SMARCA4: variants seen among roughly 807,000 people sequenced by gnomAD.
The protein encoded by SMARCA4 is SWI/SNF related BAF chromatin remodeling complex subunit ATPase 4.
SMARCA4 carries 31 observed loss-of-function variants against 193.9 expected under a neutral mutation model. The observed-to-expected ratio is 0.16, with a 90% confidence interval of 0.12 to 0.22. The LOEUF is 0.22. SMARCA4 is among the 10% of genes least tolerant of loss of function. SMARCA4 has a pLI of 1.00. For synonymous variants in SMARCA4, 942 were observed against 933.1 expected, an observed-to-expected ratio of 1.01 and a Z score of -0.17; for missense variants, 1,148 against 2,296.0, an observed-to-expected ratio of 0.50 and a Z score of 10.22.
intron 21 of SMARCA4, 41 bp from the exon 22 acceptor site, chr19:11,025,381 A>G (rs372763565): frequency 6.6e-6 from 9 of 1,356,186 alleles, no homozygotes; most frequent in Non-Finnish European, 1.1e-6. Flanking sequence ...CCACCCCAGG[A>G]GGGCAAGACC....
At chr19:11,001,117 A>T (rs1332674339) in intron 11 of SMARCA4, among the ~76,000 whole-genome samples, 1 of 152,032 alleles carries the variant, frequency 6.6e-6, no homozygotes, top group Non-Finnish European at 1.5e-5. Context: ...TCCAGTGATG[A>T]GGTCATGGCT....
chr19:11,006,924 A>C (rs2088268583), intron 13 of SMARCA4, among the ~76,000 whole-genome samples: 1 of 151,916 alleles, frequency 6.6e-6, no homozygotes, highest in Non-Finnish European at 1.5e-5. Flanking sequence ...GTCTCTACCA[A>C]AAATGCAAAA....
intron 13 of SMARCA4, among the ~76,000 whole-genome samples, chr19:11,006,551 G>A (rs1160313705): frequency 1.3e-5 from 2 of 152,084 alleles, no homozygotes; most frequent in Admixed American, 6.6e-5. Flanking sequence ...AGGAGTTCGA[G>A]ACCAGCCTGG....
intron 30 of SMARCA4, among the ~76,000 whole-genome samples, chr19:11,046,886 C>T (rs73500686): frequency 0.012 from 1,712 of 148,672 alleles, 34 homozygotes; most frequent in African/African-American, 0.039. Flanking sequence ...AAGTCAAGGC[C>T]GCAGTGGGGT....
chr19:11,047,987 G>C (rs538223828), intron 30 of SMARCA4, among the ~76,000 whole-genome samples: 1 of 152,208 alleles, frequency 6.6e-6, no homozygotes, highest in East Asian at 1.9e-4. Context: ...GCCCATCATT[G>C]TCTAGAAGTT....
rs1428986153 is a variant in SMARCA4 at position 11,019,042 on chromosome 19, G to A, written c.2505+19G>A. 1 of 1,604,814 alleles carries A rather than the reference G, an allele frequency of 6.2e-7. No individual in the cohort carries two copies. Among genetic ancestry groups the A allele is most frequent in the South Asian group, 1.1e-5 (1 of 90,916 alleles). ...TTACAAGGTAGGTCACAGCCACTGA[G>A]GTTTCCTCTCTTGCTACGGAGGTGC... On this transcript the variant is annotated intron_variant, in intron 17 of 34. Transcript: ENST00000344626. This position sits in a 1 kb window ranked among gnomAD's most constrained non-coding sequence, Gnocchi z 6.1.
rs1555778702 is a variant in SMARCA4 at position 11,021,763 on chromosome 19, C to T, written c.2655C>T (p.Arg885=). 1 of 1,613,572 alleles carries T rather than the reference C, an allele frequency of 6.2e-7. No individual in the cohort carries two copies. The highest frequency in any genetic ancestry group is 1.1e-5 in the South Asian group (1 of 91,076). Residue 885 remains arginine (R), a synonymous_variant, in exon 19 of 35, where the codon CGC becomes CGT. Transcript: ENST00000344626. ...ACATGATTGTGGACGAAGGTCACCG[C>T]ATGAAGAACCACCACTGCAAGCTGA... is the stretch of plus-strand genomic sequence containing the variant. ...WKYMIVDEGH[R]MKNHHCKLTQ...
rs1243242977 is a variant in SMARCA4, at chr19:11,019,862, C to T, written c.2616+161C>T. On this transcript the variant is annotated intron_variant, in intron 18 of 34. Transcript: ENST00000344626. This position sits in a 1 kb window ranked among gnomAD's most constrained non-coding sequence, Gnocchi z 6.1. The stretch of plus-strand genomic sequence containing the variant: ...TGTAGGGGAAAGGCCTAGGTGGGGG[C>T]GACCTCAGGTTTACCTCCCTAACTG... Among the ~76,000 whole-genome samples the T allele has an allele frequency of 6.6e-6, 1 of 152,182 alleles. No individual in the cohort carries two copies. Among genetic ancestry groups the T allele is most frequent in the Admixed American group, 6.5e-5 (1 of 15,288 alleles).
Position 11,060,844 on chromosome 19 carries a change from AAGC to A in SMARCA4, c.4911+662_4911+664del, listed in dbSNP as rs537424487. The stretch of plus-strand genomic sequence containing the variant: ...AGCGAATGCCATTTTGTCATCACAG[AAGC>A]AGCAAATTTCAGTGCCTGGGAATTA... On this transcript the variant is annotated intron_variant, in intron 34 of 34. Transcript: ENST00000344626. Among the ~76,000 whole-genome samples, 10 of 152,286 alleles carry A rather than the reference AAGC, an allele frequency of 6.6e-5. No individual in the cohort carries two copies. The South Asian group carries it at 2.1e-3, about 32-fold the overall frequency.
chr19:10,986,051 G>C lies in SMARCA4; in HGVS notation c.356-138G>C, dbSNP rs1219632452. The C allele has an allele frequency of 3.9e-6, 3 of 768,086 alleles. No individual in the cohort carries two copies. Among genetic ancestry groups the C allele is most frequent in the Non-Finnish European group, 6.7e-6 (3 of 446,776 alleles). 47.6% of individuals were successfully genotyped at this position (768,086 alleles called of 1,614,324 possible). Reference sequence around the variant, plus strand: ...GGTGCCTTCAGCATGTGCCCTCCAGGTGCCCCTGGTTGACTCAAGAGAAGG... The same window carrying C: ...GGTGCCTTCAGCATGTGCCCTCCAGCTGCCCCTGGTTGACTCAAGAGAAGG... On this transcript the variant is annotated intron_variant, in intron 3 of 34. Transcript: ENST00000344626. This position sits in a 1 kb window ranked among gnomAD's most constrained non-coding sequence, Gnocchi z 6.7.
At chr19:11,026,171 G>A (rs145000191) in intron 22 of SMARCA4, 129 bp from the exon 23 acceptor site, 9 of 777,948 alleles carry the variant, frequency 1.2e-5, no homozygotes, top group African/African-American at 5.1e-5. Flanking sequence ...TCTCAGAGCC[G>A]CCGTGGGCCC....
chr19:10,962,267 A>G (rs1312001760), intron 1 of SMARCA4, among the ~76,000 whole-genome samples: 1 of 152,198 alleles, frequency 6.6e-6, no homozygotes, highest in Non-Finnish European at 1.5e-5. Flanking sequence ...AGCGGGAAGC[A>G]CTATTGTAAT....
At chr19:10,989,540 C>T (rs2086367650) in intron 7 of SMARCA4, 97 bp downstream of exon 7, 7 of 1,408,412 alleles carry the variant, frequency 5.0e-6, no homozygotes, top group Non-Finnish European at 7.0e-6. Flanking sequence ...AGTATTACAC[C>T]TGCCTGGGCT....
rs2090027056 is a variant in SMARCA4, at chr19:11,023,571, G to A, written c.2913G>A (p.Val971=). 1.2e-6 allele frequency: 2 copies of A among 1,613,498 alleles called. No homozygotes were observed. Among genetic ancestry groups the A allele is most frequent in the East Asian group, 2.2e-5 (1 of 44,888 alleles). Residue 971 remains valine (V), a synonymous_variant, in exon 20 of 35, where the codon GTG becomes GTA. Coordinates refer to ENST00000344626, the MANE Select transcript of SMARCA4 (RefSeq NM_003072.5). ...TCATCATCCGGCGTCTCCACAAAGT[G>A]CTGCGGCCCTTCTTGCTCCGACGAC... is the stretch of plus-strand genomic sequence containing the variant. The part of the protein sequence containing the change: ...TILIIRRLHK[V]LRPFLLRRLK...
intron 25 of SMARCA4, chr19:11,032,962 T>C (rs1488905803): frequency 2.3e-6 from 1 of 430,256 alleles, no homozygotes; most frequent in Non-Finnish European, 4.4e-6. Flanking sequence ...AGGTCCACGC[T>C]GTGGGGAGCT....
chr19:11,045,945 T>C (rs1156420394), intron 30 of SMARCA4, among the ~76,000 whole-genome samples: 1 of 151,782 alleles, frequency 6.6e-6, no homozygotes, highest in Non-Finnish European at 1.5e-5. Context: ...AAAAAAAGTC[T>C]GGGTGTGGTG....
intron 29 of SMARCA4, among the ~76,000 whole-genome samples, chr19:11,038,272 A>G (rs78157521): frequency 0.048 from 7,373 of 152,126 alleles, 245 homozygotes; most frequent in South Asian, 0.11. Context: ...CTTCATGGGG[A>G]CTTCTCCTCT....
Position 11,062,098 on chromosome 19 carries a change from T to C in SMARCA4, c.*282T>C, listed in dbSNP as rs2076927283. The C allele has an allele frequency of 1.9e-6, 1 of 527,756 alleles. No individual in the cohort carries two copies. The highest frequency in any genetic ancestry group is 2.1e-5 in the South Asian group (1 of 48,210). The allele number at this position is 527,756 out of a possible 1,614,324, so 32.7% of individuals were successfully genotyped here. ...GATACCTGTTTTTCTTTTCCGTTGC[T>C]GGCAGTACTGTTGCGCCGCAGTTTG... is the stretch of plus-strand genomic sequence containing the variant. On this transcript the variant is annotated 3_prime_UTR_variant, in exon 35 of 35. Transcript: ENST00000344626.
chr19:11,026,260 G>C (rs2146513550), intron 22 of SMARCA4, 40 bp from the exon 23 acceptor site: 2 of 1,579,562 alleles, frequency 1.3e-6, no homozygotes, highest in South Asian at 1.1e-5. Flanking sequence ...CCGGTGGCCT[G>C]CTCCTGCCTG....
Sources: allele counts gnomAD v4.1 joint callset (sites outside exome capture counted in the v4.1 genomes callset), GRCh38; gene constraint gnomAD v4.1.1; non-coding constraint Gnocchi (gnomAD v3.1); transcripts MANE v1.5; gene names NCBI Gene and HGNC (gene_info 2026-07-23, HGNC 2026-07-21).